The following ALDH16A1 variants were observed in gnomAD, a reference collection of about 807,000 sequenced individuals.
The protein encoded by ALDH16A1 is aldehyde dehydrogenase 16 family member A1.
A neutral mutation model predicts 96.1 loss-of-function variants in ALDH16A1; 88 were observed. The ratio of observed to expected loss-of-function variants is 0.92; its 90% CI spans 0.77 to 1.09. The LOEUF (loss-of-function observed/expected upper bound fraction) is 1.09. ALDH16A1 is among the 50% of genes least tolerant of loss of function. The pLI, the probability that ALDH16A1 is intolerant of heterozygous loss-of-function variation, is 0.00. For missense variants in ALDH16A1, 1,250 were observed against 1,112.6 expected, an observed-to-expected ratio of 1.12 and a Z score of -1.76; for synonymous variants, 522 against 496.4, an observed-to-expected ratio of 1.05 and a Z score of -0.69.
At position 49,464,147 on chromosome 19, in the gene ALDH16A1, G is replaced by C. The variant is rs61732836; in HGVS notation, c.1215G>C (p.Val405=). 1.3e-3 allele frequency: 2,166 copies of C among 1,608,720 alleles called. 23 individuals are homozygous for C. In the African/African-American group the frequency reaches 0.026, roughly 20 times the overall value. Residue 405 remains valine (V), a synonymous_variant, in exon 10 of 17, where the codon GTG becomes GTC. Coordinates refer to ENST00000293350, the MANE Select transcript of ALDH16A1 (RefSeq NM_153329.4). ...TGCAGGTGCCGTGGCCTGTGGTCGT[G>C]GCCTCCCCCTTCCGCACAGCCAAGG... ...AQVEVPWPVV[V]ASPFRTAKEA...
chr19:49,470,587 C>G lies in ALDH16A1; in HGVS notation c.*120C>G, dbSNP rs972855634. ...CTCCCAATAAACTCTCTGACCAACC[C>G]TAGCTGTGCTTCTGCGAGAAGAAAG... On this transcript the variant is annotated 3_prime_UTR_variant, in exon 17 of 17. Coordinates refer to ENST00000293350, the MANE Select transcript of ALDH16A1 (RefSeq NM_153329.4). The G allele has an allele frequency of 3.6e-6, 4 of 1,125,062 alleles. No homozygotes were observed. Among genetic ancestry groups the G allele is most frequent in the Non-Finnish European group, 4.7e-6 (4 of 853,632 alleles). 69.7% of individuals were successfully genotyped at this position (1,125,062 alleles called of 1,614,324 possible).
chr19:49,470,506 C>T lies in ALDH16A1; in HGVS notation c.*39C>T, dbSNP rs181421600. 2.0e-6 allele frequency: 3 copies of T among 1,476,266 alleles called. No homozygotes were observed. Among genetic ancestry groups the T allele is most frequent in the East Asian group, 2.5e-5 (1 of 39,834 alleles). 91.4% of individuals were successfully genotyped at this position (1,476,266 alleles called of 1,614,324 possible). ...CCTACTGCATTTTGGACACCTCACA[C>T]CAAGGGGAGATGCACCCCACAGACA... On this transcript the variant is annotated 3_prime_UTR_variant, in exon 17 of 17. Transcript: ENST00000293350.
At chr19:49,460,093 T>C (rs935025380) in intron 4 of ALDH16A1, among the ~76,000 whole-genome samples, 3 of 151,740 alleles carry the variant, frequency 2.0e-5, no homozygotes, top group Admixed American at 6.6e-5. Flanking sequence ...ATATTTTTAT[T>C]AGAGAAGAGG....
chr19:49,461,431 TGGGCCTG>T (rs1568650858), intron 5 of ALDH16A1, among the ~76,000 whole-genome samples, 181 bp from the exon 6 acceptor site: 5 of 69,282 alleles, frequency 7.2e-5, no homozygotes, highest in Admixed American at 1.7e-4. Context: ...GAGGAGGGGC[TGGGCCTG>T]GACTCCGGGG....
Position 49,461,754 on chromosome 19 carries a change from C to A in ALDH16A1, c.713C>A (p.Ala238Asp). The part of the protein sequence containing the change: ...SGPASLVPIL[A>D]SQPGIRKVAF... Reference sequence around the variant, plus strand: ...CCTGCGTCCCTGGTGCCCATCCTGGCCTCCCAGCCTGGAATCCGGAAGGTG... The same window carrying A: ...CCTGCGTCCCTGGTGCCCATCCTGGACTCCCAGCCTGGAATCCGGAAGGTG... Residue 238 changes from alanine to aspartate, a missense_variant, in exon 6 of 17, where the codon GCC becomes GAC. Coordinates refer to ENST00000293350, the MANE Select transcript of ALDH16A1 (RefSeq NM_153329.4). 1 of 1,610,814 alleles carries A rather than the reference C, an allele frequency of 6.2e-7. No individual in the cohort carries two copies. Among genetic ancestry groups the A allele is most frequent in the Non-Finnish European group, 8.5e-7 (1 of 1,178,648 alleles).
At position 49,468,596 on chromosome 19, in the gene ALDH16A1, C is replaced by T. The variant is rs746202594; in HGVS notation, c.2124+30C>T. On this transcript the variant is annotated intron_variant, in intron 15 of 16. Transcript: ENST00000293350. This position sits in a 1 kb window ranked among gnomAD's most constrained non-coding sequence, Gnocchi z 4.4. ...AGCCCCCTGCCTTCCTGCCTCTCCT[C>T]CCCGTAGCCTCAGGGCAGCAGAAAA... 1.1e-4 allele frequency: 170 copies of T among 1,597,058 alleles called. No individual in the cohort carries two copies. Among genetic ancestry groups the T allele is most frequent in the Non-Finnish European group, 1.4e-4 (164 of 1,176,928 alleles).
intron 16 of ALDH16A1, chr19:49,469,565 T>TTTTA (rs2079227839): frequency 2.0e-5 from 3 of 149,406 alleles, no homozygotes; most frequent in Middle Eastern, 3.4e-3. Context: ...ACTGTTTTTT[T>TTTTA]TTTTATTTTA....
chr19:49,461,635 C>A lies in ALDH16A1; in HGVS notation c.594C>A (p.Ala198=). 1 of 1,594,640 alleles carries A rather than the reference C, an allele frequency of 6.3e-7. No individual in the cohort carries two copies. Among genetic ancestry groups the A allele is most frequent in the Middle Eastern group, 1.8e-4 (1 of 5,654 alleles). Residue 198 remains alanine, a synonymous_variant, in exon 6 of 17, where the codon GCC becomes GCA. Transcript: ENST00000293350. ...PALAVGCTVV[A]LVPPASPAPL... ...CTTCCCCAGGCTGCACCGTGGTGGC[C>A]CTCGTGCCCCCGGCCTCCCCGGCGC...
intron 1 of ALDH16A1, among the ~76,000 whole-genome samples, chr19:49,455,688 G>C (rs1407940189): frequency 2.0e-5 from 3 of 151,924 alleles, no homozygotes; most frequent in African/African-American, 7.3e-5. Flanking sequence ...TCGCACCTAG[G>C]AGTTTGAGAC....
rs777499363 is a variant in ALDH16A1, at chr19:49,459,699, G to T, written c.350G>T (p.Arg117Leu). The T allele has an allele frequency of 1.2e-6, 2 of 1,608,454 alleles. 1 individual carries two copies. Among genetic ancestry groups the T allele is most frequent in the South Asian group, 2.2e-5 (2 of 90,360 alleles). ...RLAEVIQKHQ[R>L]LLWTLESLVT... is the part of the protein sequence containing the mutation. ...GCCGAGGTGATCCAGAAGCACCAGC[G>T]GCTGCTGTGGACCCTGGAATCCCTG... The change falls in exon 4 of 17, where the codon CGG becomes CTG. Residue 117 changes from arginine (R) to leucine (L), a missense_variant. Transcript: ENST00000293350. The surrounding 1 kb of genome is among the most constrained non-coding windows in gnomAD (Gnocchi z 4.1).
intron 4 of ALDH16A1, 79 bp from the exon 5 acceptor site, chr19:49,460,743 T>A: frequency 2.4e-5 from 24 of 986,366 alleles, no homozygotes; most frequent in East Asian, 5.6e-5. Flanking sequence ...AATGTAGCCA[T>A]GGGGTCTTGC....
rs1035960037 is a variant in ALDH16A1, at chr19:49,468,621, A to G, written c.2124+55A>G. 1.9e-6 allele frequency: 3 copies of G among 1,574,266 alleles called. No homozygotes were observed. In the African/African-American group the frequency reaches 4.0e-5, roughly 21 times the overall value. ...CCCCGTAGCCTCAGGGCAGCAGAAAAAGGCGCCCCAAAGTCGGCAGGAGCT... is the reference window on the plus strand; with the variant it reads ...CCCCGTAGCCTCAGGGCAGCAGAAAGAGGCGCCCCAAAGTCGGCAGGAGCT... On this transcript the variant is annotated intron_variant, in intron 15 of 16. Transcript: ENST00000293350. The surrounding 1 kb of genome is among the most constrained non-coding windows in gnomAD (Gnocchi z 4.4).
Position 49,456,126 on chromosome 19 carries a change from G to A in ALDH16A1, c.91-2360G>A, listed in dbSNP as rs571618547. ...CTTTTGGAATTTTGTTTTTCTTTTGGGGGGAAGCTTTCCAACTTGCACAGA... is the reference window on the plus strand; with the variant it reads ...CTTTTGGAATTTTGTTTTTCTTTTGAGGGGAAGCTTTCCAACTTGCACAGA... On this transcript the variant is annotated intron_variant, in intron 1 of 16. Transcript: ENST00000293350. Among the ~76,000 whole-genome samples the A allele has an allele frequency of 8.5e-5, 13 of 152,196 alleles. No homozygotes were observed. In the South Asian group the frequency reaches 2.3e-3, roughly 27 times the overall value.
intron 8 of ALDH16A1, 113 bp downstream of exon 8, chr19:49,462,868 A>T (rs1360912566): frequency 1.5e-5 from 11 of 732,698 alleles, no homozygotes; most frequent in African/African-American, 3.5e-5. Flanking sequence ...CCGAGGAAGG[A>T]GGGGCTGGGA....
rs2079140093 is a variant in ALDH16A1 at position 49,461,189 on chromosome 19, ATTCCTGGGTCTGAGGGAGGAGGGGCTGGG to A, written c.577+291_577+319del. On this transcript the variant is annotated intron_variant, in intron 5 of 16. Transcript: ENST00000293350. Reference sequence around the variant, plus strand: ...TGAGGGAGGAGGGGCTGGGGTCTGGATTCCTGGGTCTGAGGGAGGAGGGGCTGGGGTCTGGACTCCTGGGTGTGAGGGAG... The same window carrying A: ...TGAGGGAGGAGGGGCTGGGGTCTGGAGTCTGGACTCCTGGGTGTGAGGGAG... Among the ~76,000 whole-genome samples, 17 of 96,810 alleles carry A rather than the reference ATTCCTGGGTCTGAGGGAGGAGGGGCTGGG, an allele frequency of 1.8e-4. 1 individual carries two copies. Among genetic ancestry groups the A allele is most frequent in the South Asian group, 7.0e-4 (2 of 2,856 alleles). The allele number at this position is 96,810 out of a possible 152,430, so 63.5% of individuals were successfully genotyped here.
chr19:49,465,654 A>G, intron 12 of ALDH16A1, 84 bp from the exon 13 acceptor site: 3 of 1,476,348 alleles, frequency 2.0e-6, no homozygotes, highest in South Asian at 1.3e-5. Flanking sequence ...ACGGGAGCCA[A>G]GGCAGTCTTC....
chr19:49,460,058 C>A (rs1223937246), intron 4 of ALDH16A1, among the ~76,000 whole-genome samples: 1 of 151,126 alleles, frequency 6.6e-6, no homozygotes, highest in Non-Finnish European at 1.5e-5. Context: ...TTACAGGCAC[C>A]CACCACCACA....
intron 1 of ALDH16A1, among the ~76,000 whole-genome samples, chr19:49,456,816 A>G (rs1450589548): frequency 6.6e-6 from 1 of 152,214 alleles, no homozygotes; most frequent in Non-Finnish European, 1.5e-5. Flanking sequence ...TGCTTTAAAG[A>G]GAAAGGAGAA....
chr19:49,460,771 A>C, intron 4 of ALDH16A1, 51 bp from the exon 5 acceptor site: 1 of 1,409,442 alleles, frequency 7.1e-7, no homozygotes, highest in Non-Finnish European at 9.8e-7. Context: ...CCCAGGCTGG[A>C]CTTAAACACC....
Sources: gnomAD v4.1 joint callset for allele counts (sites outside exome capture counted in the v4.1 genomes callset) on GRCh38, gnomAD v4.1.1 for gene constraint, Gnocchi (gnomAD v3.1) non-coding constraint, MANE v1.5 for transcripts, NCBI Gene and HGNC (gene_info 2026-07-23, HGNC 2026-07-21) for gene names.